CAMTA1: variants seen among roughly 807,000 people sequenced by gnomAD.
CAMTA1 encodes calmodulin-binding transcription activator 1.
CAMTA1 carries 27 observed loss-of-function variants against 170.9 expected under a neutral mutation model. The ratio of observed to expected loss-of-function variants is 0.16; its 90% CI spans 0.12 to 0.22. The LOEUF is 0.22. Among genes scored for constraint, CAMTA1 ranks in the 10% least tolerant of loss-of-function variants. CAMTA1 has a pLI of 1.00. For missense variants in CAMTA1, 1,619 were observed against 2,217.2 expected, an observed-to-expected ratio of 0.73 and a Z score of 5.42; for synonymous variants, 833 against 891.5, an observed-to-expected ratio of 0.93 and a Z score of 1.17.
chr1:7,436,158 C>T (rs1372761663), intron 5 of CAMTA1, among the ~76,000 whole-genome samples: 1 of 152,204 alleles, frequency 6.6e-6, no homozygotes, highest in East Asian at 1.9e-4. Context: ...CCCGGGGCTG[C>T]CAGGGAGCTC....
intron 6 of CAMTA1, among the ~76,000 whole-genome samples, chr1:7,623,108 A>C (rs2095610288): frequency 6.6e-6 from 1 of 152,168 alleles, no homozygotes; most frequent in Non-Finnish European, 1.5e-5. Context: ...TTTTATGCTC[A>C]TACCACTTCA....
chr1:6,960,443 G>A (rs1465046448), intron 3 of CAMTA1, among the ~76,000 whole-genome samples: 2 of 152,104 alleles, frequency 1.3e-5, no homozygotes, highest in Admixed American at 6.5e-5. Context: ...CCCTCCTCCC[G>A]GTGGCTGGAT....
At chr1:6,976,467 T>G (rs2149611414) in intron 3 of CAMTA1, among the ~76,000 whole-genome samples, 1 of 152,310 alleles carries the variant, frequency 6.6e-6, no homozygotes, top group African/African-American at 2.4e-5. Flanking sequence ...GCTGCTGGAC[T>G]GTGCAAGGGG....
At chr1:7,095,085 G>A (rs1641916112) in intron 4 of CAMTA1, among the ~76,000 whole-genome samples, 1 of 124,112 alleles carries the variant, frequency 8.1e-6, no homozygotes, top group African/African-American at 3.2e-5. Context: ...CTCCTTTCTT[G>A]TTTTACGTTT....
intron 6 of CAMTA1, among the ~76,000 whole-genome samples, chr1:7,550,862 C>T (rs2094791549): frequency 6.6e-6 from 1 of 151,314 alleles, no homozygotes; most frequent in Non-Finnish European, 1.5e-5. Context: ...AGCTGACCCT[C>T]TCTCACCTGG....
intron 4 of CAMTA1, among the ~76,000 whole-genome samples, chr1:7,232,816 C>A (rs967525672): frequency 6.6e-6 from 1 of 152,168 alleles, no homozygotes; most frequent in African/African-American, 2.4e-5. Flanking sequence ...AGGAAGTTTT[C>A]ATCCGAATGG....
rs577495715 is a variant in CAMTA1, at chr1:6,883,423, C to T, written c.234+58213C>T. 3.9e-5 allele frequency among the ~76,000 whole-genome samples: 6 copies of T among 152,254 alleles called. No individual in the cohort carries two copies. In the East Asian group the frequency reaches 5.8e-4, roughly 15 times the overall value. On this transcript the variant is annotated intron_variant, in intron 3 of 22. Coordinates refer to ENST00000303635, the MANE Select transcript of CAMTA1 (RefSeq NM_015215.4). ...TGCTCTGAAGGAATTCTGCTTTCGG[C>T]AGCCTAAGTGTAGGGCAGGAGAGGG...
chr1:7,457,843 C>G (rs1342617081), intron 5 of CAMTA1, among the ~76,000 whole-genome samples: 1 of 152,164 alleles, frequency 6.6e-6, no homozygotes, highest in African/African-American at 2.4e-5. Context: ...CTCCAGGGTC[C>G]CCACCTGGCG....
At position 7,392,715 on chromosome 1, in the gene CAMTA1, A is replaced by T. The variant is rs544616786; in HGVS notation, c.439-75115A>T. 4.3e-3 allele frequency among the ~76,000 whole-genome samples: 660 copies of T among 152,152 alleles called. 5 individuals are homozygous for T. The highest frequency in any genetic ancestry group is 0.015 in the African/African-American group (632 of 41,522). ...ATGGCAAAACCCGTCTCTACTAAAA[A>T]TATAAAAAATTAGCCGGGTGTGGTG... On this transcript the variant is annotated intron_variant, in intron 5 of 22. Coordinates refer to ENST00000303635, the MANE Select transcript of CAMTA1 (RefSeq NM_015215.4).
At chr1:7,704,705 C>A (rs2096487623) in intron 11 of CAMTA1, among the ~76,000 whole-genome samples, 2 of 148,136 alleles carry the variant, frequency 1.4e-5, no homozygotes, top group Non-Finnish European at 3.0e-5. Flanking sequence ...GTCCGGGCGG[C>A]GCACTCGGGC....
rs779035345 is a variant in CAMTA1, at chr1:7,732,383, G to A, written c.2915-65G>A. The A allele has an allele frequency of 9.0e-6, 13 of 1,448,454 alleles. No individual in the cohort carries two copies. The East Asian group carries it at 1.1e-4, about 13-fold the overall frequency. 89.7% of individuals were successfully genotyped at this position (1,448,454 alleles called of 1,614,324 possible). A position where few individuals can be genotyped will look rare whatever the true frequency, so the allele number is the denominator to read the frequency against. ...TGGATGCTGGTCCCGCAAGGCTGGC[G>A]AGGCCACGTGTTGACTGCTTTTCTT... On this transcript the variant is annotated intron_variant, in intron 11 of 22. Coordinates refer to ENST00000303635, the MANE Select transcript of CAMTA1 (RefSeq NM_015215.4). The surrounding 1 kb of genome is among the most constrained non-coding windows in gnomAD (Gnocchi z 4.1).
At chr1:7,538,912 T>C (rs1331125725) in intron 6 of CAMTA1, among the ~76,000 whole-genome samples, 1 of 152,188 alleles carries the variant, frequency 6.6e-6, no homozygotes, top group African/African-American at 2.4e-5. Context: ...TTGAACTTCC[T>C]GAAAATGTAC....
intron 3 of CAMTA1, among the ~76,000 whole-genome samples, chr1:6,863,808 T>C (rs1233257196): frequency 6.6e-6 from 1 of 152,192 alleles, no homozygotes; most frequent in East Asian, 1.9e-4. Context: ...TCATTCAGAT[T>C]TCCTTAATTT....
intron 4 of CAMTA1, among the ~76,000 whole-genome samples, chr1:7,091,935 T>C (rs1461021801): frequency 1.3e-5 from 2 of 152,222 alleles, no homozygotes; most frequent in Non-Finnish European, 1.5e-5. Flanking sequence ...AAAATATAGC[T>C]GACCTGCGTT....
chr1:7,156,379 A>G (rs551055388), intron 4 of CAMTA1, among the ~76,000 whole-genome samples: 4 of 152,290 alleles, frequency 2.6e-5, no homozygotes, highest in South Asian at 4.1e-4. Flanking sequence ...AGTTAAAGTA[A>G]TGTAGGCAGG....
intron 3 of CAMTA1, among the ~76,000 whole-genome samples, chr1:7,071,622 G>A (rs993295102): frequency 1.3e-5 from 2 of 152,116 alleles, no homozygotes; most frequent in Non-Finnish European, 2.9e-5. Context: ...AAAATGGACC[G>A]ATTTACGCAC....
chr1:7,661,708 CT>C lies in CAMTA1; in HGVS notation c.665-17del, dbSNP rs767216496. On this transcript the variant is annotated splice_polypyrimidine_tract_variant and intron_variant, in intron 7 of 22. Transcript: ENST00000303635. ...GCACCCACGGGCTCTGACAGCCCCCCTGCCTCTCTCTTCACAGTCCATGGCA... is the reference window on the plus strand; with the variant it reads ...GCACCCACGGGCTCTGACAGCCCCCCGCCTCTCTCTTCACAGTCCATGGCA... 1.9e-6 allele frequency: 3 copies of C among 1,613,844 alleles called. No homozygotes were observed. In the South Asian group the frequency reaches 3.3e-5, roughly 18 times the overall value.
In CAMTA1 at chr1:7,310,683, TC is replaced by T. The variant is rs1557491470; in HGVS notation, c.438+61058del. On this transcript the variant is annotated intron_variant, in intron 5 of 22. Coordinates refer to ENST00000303635, the MANE Select transcript of CAMTA1 (RefSeq NM_015215.4). ...TCTTTCTTTCTTTCCTTTCTTTCTC[TC>T]TCTCTCTCTCTCTCTCTCTTTCTTT... is the stretch of plus-strand genomic sequence containing the variant. 1.2e-3 allele frequency among the ~76,000 whole-genome samples: 48 copies of T among 41,080 alleles called. 5 individuals carry two copies. Among genetic ancestry groups the T allele is most frequent in the African/African-American group, 6.9e-3 (47 of 6,782 alleles). The allele number at this position is 41,080 out of a possible 152,430, so 27.0% of individuals were successfully genotyped here.
intron 5 of CAMTA1, among the ~76,000 whole-genome samples, chr1:7,322,812 G>T (rs1678637399): frequency 6.6e-6 from 1 of 152,104 alleles, no homozygotes; most frequent in African/African-American, 2.4e-5. Flanking sequence ...AATTACCAGA[G>T]ATTTGTCAAT....
Sources: allele counts gnomAD v4.1 joint callset (sites outside exome capture counted in the v4.1 genomes callset), GRCh38; gene constraint gnomAD v4.1.1; non-coding constraint Gnocchi (gnomAD v3.1); transcripts MANE v1.5; gene names NCBI Gene and HGNC (gene_info 2026-07-23, HGNC 2026-07-21).